PCDH15: variants seen among roughly 807,000 people sequenced by gnomAD.
PCDH15 encodes the protein protocadherin related 15.
In PCDH15, 129 loss-of-function variants were observed where a neutral mutation model predicts 178.5. The ratio of observed to expected loss-of-function variants is 0.72; its 90% CI spans 0.63 to 0.84. The LOEUF (loss-of-function observed/expected upper bound fraction) is 0.84. Ranked by LOEUF, PCDH15 falls within the 40% of genes least tolerant of loss-of-function variation. The pLI is 0.00. For missense variants in PCDH15, 2,230 were observed against 2,099.9 expected (o/e 1.06, Z -1.21); for synonymous variants, 800 against 732.0 (o/e 1.09, Z -1.50).
At chr10:54,802,950 T>G (rs569540790), upstream of PCDH15, among the ~76,000 whole-genome samples, 1 of 152,328 alleles carries the variant, frequency 6.6e-6, no homozygotes, top group East Asian at 1.9e-4. Context: ...CAGCTGATTT[T>G]CATTTTCAAA....
chr10:53,821,756 T>C, intron 32 of PCDH15: 2 of 1,556,802 alleles, frequency 1.3e-6, no homozygotes, highest in South Asian at 2.4e-5. Flanking sequence ...TCATTGAATT[T>C]GGGGTAAAAT....
At chr10:55,332,203 A>G (rs1187506817) in intron 2 of PCDH15, among the ~76,000 whole-genome samples, 1 of 152,024 alleles carries the variant, frequency 6.6e-6, no homozygotes, top group Admixed American at 6.6e-5. Flanking sequence ...GCAAAAGGTG[A>G]TAAAGATATA....
chr10:54,048,468 T>C (rs2135587547), intron 18 of PCDH15, among the ~76,000 whole-genome samples: 1 of 152,274 alleles, frequency 6.6e-6, no homozygotes, highest in South Asian at 2.1e-4. Context: ...TCATAACTTC[T>C]TTGCCAAGGC....
At chr10:53,919,378 A>T (rs929538505) in intron 25 of PCDH15, among the ~76,000 whole-genome samples, 1 of 152,240 alleles carries the variant, frequency 6.6e-6, no homozygotes, top group Non-Finnish European at 1.5e-5. Flanking sequence ...TTCTGTTTTA[A>T]TACAAATATG....
chr10:54,549,064 A>G (rs1479864608), intron 2 of PCDH15, among the ~76,000 whole-genome samples: 1 of 151,720 alleles, frequency 6.6e-6, no homozygotes, highest in Non-Finnish European at 1.5e-5. Context: ...ACCAGTTTTA[A>G]TATTATTTAT....
At chr10:55,051,548 C>G (rs143244659) in intron 2 of PCDH15, among the ~76,000 whole-genome samples, 3 of 152,160 alleles carry the variant, frequency 2.0e-5, no homozygotes, top group South Asian at 2.1e-4. Flanking sequence ...TCCTATTTTT[C>G]TCTCCTGTCC....
At chr10:54,895,692 T>C (rs2131820324) in intron 3 of PCDH15, among the ~76,000 whole-genome samples, 1 of 152,286 alleles carries the variant, frequency 6.6e-6, no homozygotes, top group Non-Finnish European at 1.5e-5. Context: ...TTATTGCAAT[T>C]TGTCTTTCTG....
chr10:55,345,646 T>C (rs948953626), intron 2 of PCDH15, among the ~76,000 whole-genome samples: 1 of 150,864 alleles, frequency 6.6e-6, no homozygotes, highest in Non-Finnish European at 1.5e-5. Flanking sequence ...TGGTACACTG[T>C]CCCTGATACT....
chr10:54,895,487 G>T (rs773969724), intron 3 of PCDH15, among the ~76,000 whole-genome samples: 1 of 152,150 alleles, frequency 6.6e-6, no homozygotes, highest in Non-Finnish European at 1.5e-5. Flanking sequence ...CATCATTACT[G>T]TATTTTTACA....
At chr10:55,463,953 G>A (rs1490968848) in intron 2 of PCDH15, among the ~76,000 whole-genome samples, 1 of 29,548 alleles carries the variant, frequency 3.4e-5, no homozygotes, top group African/African-American at 3.6e-4. Flanking sequence ...AAGAAAGAAA[G>A]AAAGAAAGAA....
At chr10:54,980,748 G>C (rs1839212492) in intron 2 of PCDH15, among the ~76,000 whole-genome samples, 1 of 151,396 alleles carries the variant, frequency 6.6e-6, no homozygotes, top group Admixed American at 6.6e-5. Flanking sequence ...AATTTAAATT[G>C]ATTTTTTTCA....
chr10:55,057,988 C>T lies in PCDH15; in HGVS notation c.-80+108588G>A, dbSNP rs189667312. On this transcript the variant is annotated intron_variant, in intron 2 of 5. Transcript: ENST00000458638. ...AATGTTTTGTTTTATTAACTTGGGC[C>T]TTTTATTTTATTTATCTTAACTACA... Among the ~76,000 whole-genome samples the T allele has an allele frequency of 2.4e-3, 363 of 152,082 alleles. 2 individuals carry two copies. The South Asian group carries it at 0.025, about 10-fold the overall frequency.
At chr10:55,621,718 G>C (rs1837394505) in intron 2 of PCDH15, among the ~76,000 whole-genome samples, 1 of 151,728 alleles carries the variant, frequency 6.6e-6, no homozygotes, top group Non-Finnish European at 1.5e-5. Context: ...CCTGGTCTGT[G>C]AAAAATTTTC....
chr10:55,200,193 T>G (rs1166988479), intron 1 of PCDH15, among the ~76,000 whole-genome samples: 1 of 152,114 alleles, frequency 6.6e-6, no homozygotes, highest in Non-Finnish European at 1.5e-5. Flanking sequence ...TCATGGGGAA[T>G]GTACCCTGCA....
chr10:54,039,269 A>G lies in PCDH15; in HGVS notation c.2221-16072T>C, dbSNP rs1281006180. Among the ~76,000 whole-genome samples the G allele has an allele frequency of 2.6e-5, 4 of 152,104 alleles. No individual in the cohort carries two copies. The East Asian group carries it at 7.8e-4, about 30-fold the overall frequency. On this transcript the variant is annotated intron_variant, in intron 18 of 37. Coordinates refer to ENST00000644397, the MANE Select transcript of PCDH15 (RefSeq NM_001384140.1). ...GGGATGCTGCTATAACTAGTGTAGC[A>G]TTATTAATTATTCTAGCTGCATGAT...
chr10:54,203,390 C>A (rs7093533), intron 10 of PCDH15, among the ~76,000 whole-genome samples: 136,847 of 152,180 alleles, frequency 0.9, 61,693 homozygotes, highest in East Asian at 0.98. Flanking sequence ...GCACGTATGC[C>A]TGTGTATACA....
At chr10:54,908,671 T>G (rs1954767783) in intron 2 of PCDH15, among the ~76,000 whole-genome samples, 1 of 152,184 alleles carries the variant, frequency 6.6e-6, no homozygotes, top group African/African-American at 2.4e-5. Context: ...TATTGAGCAG[T>G]AGAACAGCTC....
At chr10:54,677,623 T>G (rs1191983590) in intron 1 of PCDH15, among the ~76,000 whole-genome samples, 1 of 152,124 alleles carries the variant, frequency 6.6e-6, no homozygotes, top group African/African-American at 2.4e-5. Flanking sequence ...TAATGGGGGC[T>G]CTGGAGACTG....
intron 3 of PCDH15, among the ~76,000 whole-genome samples, chr10:54,853,604 TTG>T (rs1953683824): frequency 6.6e-6 from 1 of 151,096 alleles, no homozygotes; most frequent in Non-Finnish European, 1.5e-5. Flanking sequence ...AATACCTTCC[TTG>T]TATTCCTAAA....
Sources: gnomAD v4.1 joint callset for allele counts (sites outside exome capture counted in the v4.1 genomes callset) on GRCh38, gnomAD v4.1.1 for gene constraint, MANE v1.5 for transcripts, NCBI Gene and HGNC (gene_info 2026-07-23, HGNC 2026-07-21) for gene names.